The following IBTK variants were observed in gnomAD, a reference collection of about 807,000 sequenced individuals.
The protein encoded by IBTK is BTK-binding protein.
IBTK carries 83 observed loss-of-function variants against 154.9 expected under a neutral mutation model. The observed-to-expected ratio is 0.54, with a 90% CI of 0.45 to 0.64. The LOEUF (loss-of-function observed/expected upper bound fraction) is 0.64, where lower values mean the gene tolerates loss of function less well. IBTK is among the 30% of genes least tolerant of loss of function. The pLI, the probability that IBTK is intolerant of heterozygous loss-of-function variation, is 0.00. For missense variants in IBTK, 1,332 were observed against 1,584.6 expected, an observed-to-expected ratio of 0.84 and a Z score of 2.71; for synonymous variants, 515 against 536.1, an observed-to-expected ratio of 0.96 and a Z score of 0.54.
At chr6:82,214,966 C>A in intron 11 of IBTK, 137 bp from the exon 12 acceptor site, 2 of 830,032 alleles carry the variant, frequency 2.4e-6, no homozygotes, top group Non-Finnish European at 1.8e-6. Flanking sequence ...TCCTAAAATA[C>A]AAGAATATTG....
intron 25 of IBTK, among the ~76,000 whole-genome samples, chr6:82,185,651 T>C (rs1349020853): frequency 6.6e-6 from 1 of 151,940 alleles, no homozygotes; most frequent in Non-Finnish European, 1.5e-5. Context: ...ATTCTATGTG[T>C]ATCTGATTAA....
chr6:82,177,367 C>T (rs984510324), intron 26 of IBTK, among the ~76,000 whole-genome samples: 6 of 151,492 alleles, frequency 4.0e-5, no homozygotes, highest in Admixed American at 4.0e-4. Context: ...CACCACTATG[C>T]CTGGCTAGCT....
intron 4 of IBTK, among the ~76,000 whole-genome samples, chr6:82,228,903 GA>G (rs1197903502): frequency 1.3e-5 from 2 of 152,132 alleles, no homozygotes; most frequent in African/African-American, 4.8e-5. Context: ...TTACAGGTAT[GA>G]GCCACTGCGC....
At chr6:82,206,497 A>G (rs1769418316) in intron 16 of IBTK, among the ~76,000 whole-genome samples, 1 of 152,228 alleles carries the variant, frequency 6.6e-6, no homozygotes, top group South Asian at 2.1e-4. Flanking sequence ...TGAATATTTA[A>G]AGATGAATAA....
Position 82,204,926 on chromosome 6 carries a change from G to C in IBTK, c.2542C>G (p.Leu848Val). Reference sequence around the variant, plus strand: ...ATGAGAAGTTGATCAGCCACCACAAGAACACTACAAATAAAATCTACATTT... The same window carrying C: ...ATGAGAAGTTGATCAGCCACCACAACAACACTACAAATAAAATCTACATTT... ...SQNVDFICSV[L>V]VVADQLLITR... The change falls in exon 17 of 29, where the codon CTT becomes GTT. Residue 848 changes from leucine (L) to valine (V), a missense_variant. Transcript: ENST00000306270. The C allele has an allele frequency of 1.2e-6, 2 of 1,602,104 alleles. No homozygotes were observed. Among genetic ancestry groups the C allele is most frequent in the Non-Finnish European group, 1.7e-6 (2 of 1,173,828 alleles).
chr6:82,206,566 A>G (rs900219116), intron 16 of IBTK, among the ~76,000 whole-genome samples: 4 of 152,206 alleles, frequency 2.6e-5, no homozygotes, highest in African/African-American at 7.2e-5. Flanking sequence ...CTCTTCAAAA[A>G]GTAGAAGATG....
intron 3 of IBTK, among the ~76,000 whole-genome samples, chr6:82,233,716 T>TTTTG (rs1246033265): frequency 2.0e-4 from 29 of 147,740 alleles, no homozygotes; most frequent in Admixed American, 1.2e-3. Flanking sequence ...GTAAAGTTTT[T>TTTTG]TTTTTTTTTT....
intron 3 of IBTK, 92 bp from the exon 4 acceptor site, chr6:82,231,934 C>T: frequency 3.0e-6 from 2 of 665,296 alleles, no homozygotes; most frequent in Non-Finnish European, 4.8e-6. Flanking sequence ...TGCCAACGCT[C>T]TTCTCTGAAT....
intron 26 of IBTK, among the ~76,000 whole-genome samples, chr6:82,174,463 A>G (rs1482575558): frequency 6.6e-6 from 1 of 152,170 alleles, no homozygotes; most frequent in African/African-American, 2.4e-5. Flanking sequence ...GGAGACGTAC[A>G]ATTAGAAAGA....
chr6:82,240,793 C>A lies in IBTK; in HGVS notation c.-307G>T. ...CCAAGGGGGAGTGAGGAGGGGAACT[C>A]CCCCTCCACACTGTCTGACCCTTTT... is the stretch of plus-strand genomic sequence containing the variant. On this transcript the variant is annotated 5_prime_UTR_variant, in exon 2 of 29. It introduces an in-frame stop codon into an upstream open reading frame of the 5' UTR. Coordinates refer to ENST00000306270, the MANE Select transcript of IBTK (RefSeq NM_015525.4). The A allele has an allele frequency of 2.2e-6, 1 of 447,044 alleles. No individual in the cohort carries two copies. Among genetic ancestry groups the A allele is most frequent in the Non-Finnish European group, 3.9e-6 (1 of 255,880 alleles). 27.7% of individuals were successfully genotyped at this position (447,044 alleles called of 1,614,324 possible).
At chr6:82,175,463 T>C (rs2127796489) in intron 26 of IBTK, among the ~76,000 whole-genome samples, 1 of 152,330 alleles carries the variant, frequency 6.6e-6, no homozygotes, top group Non-Finnish European at 1.5e-5. Context: ...CCACTCATGA[T>C]GTTTCAACGG....
rs371583030 is a variant in IBTK at position 82,190,438 on chromosome 6, CAAG to C, written c.3575+632_3575+634del. 7.6e-4 allele frequency among the ~76,000 whole-genome samples: 115 copies of C among 152,202 alleles called. 1 individual carries two copies. In the East Asian group the frequency reaches 0.021, roughly 28 times the overall value. On this transcript the variant is annotated intron_variant, in intron 25 of 28. Transcript: ENST00000306270. ...ATTGGTTTCCAGATATTTTAAGTTA[CAAG>C]AAAAGGAAGGATGGAACGGAAGCTG...
At chr6:82,240,920 A>G (rs1295428872) in intron 1 of IBTK, 77 bp from the exon 2 acceptor site, 3 of 399,946 alleles carry the variant, frequency 7.5e-6, no homozygotes, top group Non-Finnish European at 1.3e-5. Context: ...GAACACAACT[A>G]CCTCCATATT....
intron 17 of IBTK, among the ~76,000 whole-genome samples, chr6:82,203,843 A>G (rs1239439950): frequency 1.3e-5 from 2 of 152,066 alleles, no homozygotes; most frequent in East Asian, 3.9e-4. Flanking sequence ...TTAAAAGGAG[A>G]TCAGGGCTGT....
At chr6:82,197,700 T>C (rs558396704) in intron 21 of IBTK, among the ~76,000 whole-genome samples, 39 of 152,182 alleles carry the variant, frequency 2.6e-4, no homozygotes, top group African/African-American at 8.4e-4. Flanking sequence ...GGCTGGCAAA[T>C]TTTCATCGAA....
intron 1 of IBTK, among the ~76,000 whole-genome samples, chr6:82,242,468 C>T (rs908230360): frequency 7.2e-5 from 11 of 152,130 alleles, no homozygotes; most frequent in South Asian, 2.1e-4. Context: ...ACAACCAACC[C>T]TCTAAAAGTA....
intron 8 of IBTK, among the ~76,000 whole-genome samples, chr6:82,222,177 A>C (rs1444825443): frequency 6.6e-6 from 1 of 152,022 alleles, no homozygotes; most frequent in African/African-American, 2.4e-5. Flanking sequence ...CTCAAAAAAA[A>C]AAAAAAAAAG....
intron 16 of IBTK, among the ~76,000 whole-genome samples, chr6:82,206,460 C>G (rs763916515): frequency 1.8e-4 from 28 of 152,190 alleles, no homozygotes; most frequent in Non-Finnish European, 3.2e-4. Flanking sequence ...GAGTCCAGGA[C>G]CAGATGGCTT....
At position 82,182,022 on chromosome 6, in the gene IBTK, A is replaced by T; in HGVS notation, c.3582T>A (p.Ser1194=). The T allele has an allele frequency of 6.3e-7, 1 of 1,593,234 alleles. No homozygotes were observed. Among genetic ancestry groups the T allele is most frequent in the Non-Finnish European group, 8.5e-7 (1 of 1,175,872 alleles). The change falls in exon 26 of 29, where the codon TCT becomes TCA. Residue 1194 remains serine (S), a synonymous_variant. Transcript: ENST00000306270. The stretch of plus-strand genomic sequence containing the variant: ...ACTTGGATGAAACTGAATGCAGAGA[A>T]GATGCCCTGCAAAAGAAAGCAAAGA... ...KAPKPVNAWA[S]SLHSVSSKSF... is the part of the protein sequence containing the mutation.
Sources: gnomAD v4.1 joint callset for allele counts (sites outside exome capture counted in the v4.1 genomes callset) on GRCh38, gnomAD v4.1.1 for gene constraint, MANE v1.5 for transcripts, NCBI Gene and HGNC (gene_info 2026-07-23, HGNC 2026-07-21) for gene names.